PLXNA4: variants seen among roughly 807,000 people sequenced by gnomAD.
PLXNA4 encodes plexin-A4.
PLXNA4 carries 44 observed loss-of-function variants against 191.8 expected under a neutral mutation model. The ratio of observed to expected loss-of-function variants is 0.23; its 90% confidence interval spans 0.18 to 0.29. The LOEUF (loss-of-function observed/expected upper bound fraction) is 0.29, where lower values mean the gene tolerates loss of function less well. PLXNA4 is among the 10% of genes least tolerant of loss of function. The pLI is 1.00. For missense variants in PLXNA4, 1,800 were observed against 2,488.8 expected, an observed-to-expected ratio of 0.72 and a Z score of 5.89; for synonymous variants, 1,082 against 1,009.5, an observed-to-expected ratio of 1.07 and a Z score of -1.36.
intron 2 of PLXNA4, among the ~76,000 whole-genome samples, chr7:132,496,521 C>A (rs1359429716): frequency 6.6e-6 from 1 of 152,250 alleles, no homozygotes; most frequent in East Asian, 1.9e-4. Context: ...CCTGCCTCAG[C>A]CTCTTGAGTA....
chr7:132,319,059 G>A (rs1314450567), intron 3 of PLXNA4, among the ~76,000 whole-genome samples: 1 of 152,166 alleles, frequency 6.6e-6, no homozygotes, highest in Admixed American at 6.5e-5. Flanking sequence ...TAGAGGTCCT[G>A]GGCAAGGCGA....
intron 2 of PLXNA4, among the ~76,000 whole-genome samples, chr7:132,616,164 C>T (rs1803154235): frequency 6.6e-6 from 1 of 152,156 alleles, no homozygotes; most frequent in Non-Finnish European, 1.5e-5. Context: ...CACATGGTCA[C>T]CATGCACCCC....
intron 2 of PLXNA4, among the ~76,000 whole-genome samples, chr7:132,614,782 T>A (rs1241964904): frequency 6.6e-6 from 1 of 152,218 alleles, no homozygotes; most frequent in East Asian, 1.9e-4. Flanking sequence ...ATGTAAATAC[T>A]TGGGAAATGC....
At position 132,132,468 on chromosome 7, in the gene PLXNA4, C is replaced by CTGTTCTGTTCTGTTCTGTTCTGTTCTGT. The variant is rs1563048357; in HGVS notation, c.5589+580_5589+581insACAGAACAGAACAGAACAGAACAGAACA. ...TTCTGTTCTGTTCTGTTCTGTTCTG[C>CTGTTCTGTTCTGTTCTGTTCTGTTCTGT]TCTGCTCTGCTCTGCTCTGCTCTAT... On this transcript the variant is annotated intron_variant, in intron 31 of 31. Coordinates refer to ENST00000321063, the MANE Select transcript of PLXNA4 (RefSeq NM_020911.2). 2.6e-3 allele frequency among the ~76,000 whole-genome samples: 118 copies of CTGTTCTGTTCTGTTCTGTTCTGTTCTGT among 44,556 alleles called. 6 individuals are homozygous for CTGTTCTGTTCTGTTCTGTTCTGTTCTGT. Among genetic ancestry groups the CTGTTCTGTTCTGTTCTGTTCTGTTCTGT allele is most frequent in the African/African-American group, 4.2e-3 (51 of 12,202 alleles). 29.2% of individuals were successfully genotyped at this position (44,556 alleles called of 152,430 possible). A position where few individuals can be genotyped will look rare whatever the true frequency, so the allele number is the denominator to read the frequency against.
intron 2 of PLXNA4, among the ~76,000 whole-genome samples, chr7:132,637,301 C>T (rs368367405): frequency 6.6e-6 from 1 of 152,168 alleles, no homozygotes; most frequent in East Asian, 1.9e-4. Context: ...CCTGTCCAAG[C>T]ACCCCTTCAC....
At chr7:132,429,649 A>G (rs1160577927) in intron 3 of PLXNA4, among the ~76,000 whole-genome samples, 2 of 152,190 alleles carry the variant, frequency 1.3e-5, no homozygotes, top group Non-Finnish European at 2.9e-5. Flanking sequence ...GAGCTATAAA[A>G]ACAAGTGGCA....
chr7:132,214,976 T>A (rs1281379295), intron 9 of PLXNA4, among the ~76,000 whole-genome samples: 1 of 152,142 alleles, frequency 6.6e-6, no homozygotes, highest in Non-Finnish European at 1.5e-5. Context: ...GTTTGTTCTT[T>A]CCTCCTCTTT....
intron 30 of PLXNA4, among the ~76,000 whole-genome samples, chr7:132,135,811 G>T (rs958098273): frequency 1.3e-5 from 2 of 152,120 alleles, no homozygotes; most frequent in Non-Finnish European, 2.9e-5. Flanking sequence ...TCTCTCTCAG[G>T]TCAGGTCCTT....
chr7:132,563,038 TTCTC>T (rs1801365788), intron 1 of PLXNA4, among the ~76,000 whole-genome samples: 1 of 101,760 alleles, frequency 9.8e-6, no homozygotes, highest in Non-Finnish European at 2.0e-5. Context: ...CTCCTCCTCC[TTCTC>T]TTCTTTCTCT....
In PLXNA4 at chr7:132,439,740, G is replaced by A. The variant is rs138935637; in HGVS notation, c.1371+49552C>T. On this transcript the variant is annotated intron_variant, in intron 3 of 31. Transcript: ENST00000321063. ...CAACAGGTGACCAACCAAAGTTTGC[G>A]GTCCTAATTATTTCTACTCTCTTTT... is the stretch of plus-strand genomic sequence containing the variant. 2.5e-4 allele frequency among the ~76,000 whole-genome samples: 38 copies of A among 152,248 alleles called. No individual in the cohort carries two copies. The East Asian group carries it at 6.0e-3, about 24-fold the overall frequency.
At chr7:132,559,627 A>G (rs1265822304) in intron 1 of PLXNA4, among the ~76,000 whole-genome samples, 4 of 152,148 alleles carry the variant, frequency 2.6e-5, no homozygotes, top group Admixed American at 2.6e-4. Flanking sequence ...AGTTGAGCAT[A>G]TCTCTCTCTC....
intron 31 of PLXNA4, among the ~76,000 whole-genome samples, chr7:132,131,652 G>T (rs573397104): frequency 9.2e-5 from 14 of 152,318 alleles, no homozygotes; most frequent in African/African-American, 3.4e-4. Context: ...TTCATAGATG[G>T]GTTATTTAAA....
At position 132,187,534 on chromosome 7, in the gene PLXNA4, G is replaced by C; in HGVS notation, c.2930C>G (p.Thr977Ser). ...SGGTQVTITG[T>S]NLNAGSNVVV... ...CACGTTGCTTCCGGCATTCAGGTTG[G>C]TGCCTGTGATGGTCACTTGGGTCCC... Residue 977 changes from threonine to serine, a missense_variant, in exon 15 of 32, where the codon ACC becomes AGC. Thr to Ser is a moderately conservative substitution (Grantham distance 58). Transcript: ENST00000321063. 1 of 1,614,124 alleles carries C rather than the reference G, an allele frequency of 6.2e-7. No homozygotes were observed. The highest frequency in any genetic ancestry group is 8.5e-7 in the Non-Finnish European group (1 of 1,179,984).
intron 3 of PLXNA4, among the ~76,000 whole-genome samples, chr7:132,399,192 A>T (rs1456010214): frequency 6.6e-6 from 1 of 152,136 alleles, no homozygotes; most frequent in Non-Finnish European, 1.5e-5. Flanking sequence ...TGCAGATTCA[A>T]ATGGATTCAA....
chr7:132,583,536 G>A (rs947618893), intron 2 of PLXNA4, among the ~76,000 whole-genome samples: 5 of 152,174 alleles, frequency 3.3e-5, no homozygotes, highest in Admixed American at 6.5e-5. Context: ...GGATTAGGAC[G>A]AGAGAAGAAG....
chr7:132,262,290 G>A lies in PLXNA4; in HGVS notation c.1504-21124C>T, dbSNP rs114867445. 5.1e-3 allele frequency among the ~76,000 whole-genome samples: 771 copies of A among 152,282 alleles called. 9 individuals carry two copies. The highest frequency in any genetic ancestry group is 0.017 in the African/African-American group (723 of 41,566). On this transcript the variant is annotated intron_variant, in intron 4 of 31. Coordinates refer to ENST00000321063, the MANE Select transcript of PLXNA4 (RefSeq NM_020911.2). ...TCTCCCTCTGCCTTGCCGCTCGGGG[G>A]CTGCCACCCCTCTGCTCCCTGCTCC...
At position 132,336,238 on chromosome 7, in the gene PLXNA4, T is replaced by A. The variant is rs528256630; in HGVS notation, c.1372-38016A>T. On this transcript the variant is annotated intron_variant, in intron 3 of 31. Transcript: ENST00000321063. ...GCTTCATTAGTAGTATAAATAAGAA[T>A]GTTAATGGCTCTGCTTCATTCACAG... is the stretch of plus-strand genomic sequence containing the variant. Among the ~76,000 whole-genome samples the A allele has an allele frequency of 2.0e-5, 3 of 152,320 alleles. No homozygotes were observed. The East Asian group carries it at 5.8e-4, about 29-fold the overall frequency.
chr7:132,424,965 C>T (rs753113678), intron 3 of PLXNA4, among the ~76,000 whole-genome samples: 16 of 152,198 alleles, frequency 1.1e-4, no homozygotes, highest in Non-Finnish European at 1.9e-4. Context: ...CATCACGGCA[C>T]CTGGGTGGGT....
intron 21 of PLXNA4, among the ~76,000 whole-genome samples, chr7:132,169,048 C>G (rs796317743): frequency 6.6e-6 from 1 of 152,168 alleles, no homozygotes; most frequent in South Asian, 2.1e-4. Context: ...CCAGTGGCCT[C>G]GGAGTCAGGA....
Sources: allele counts gnomAD v4.1 joint callset (sites outside exome capture counted in the v4.1 genomes callset), GRCh38; gene constraint gnomAD v4.1.1; transcripts MANE v1.5; gene names NCBI Gene and HGNC (gene_info 2026-07-23, HGNC 2026-07-21).